TMEM272: variants seen among roughly 807,000 people sequenced by gnomAD.
TMEM272 encodes transmembrane protein 272.
In TMEM272, 8 loss-of-function variants were observed where a neutral mutation model predicts 3.7. The observed-to-expected ratio is 2.17, with a 90% CI of 1.27 to 3.91. The LOEUF (loss-of-function observed/expected upper bound fraction) is 3.91, where lower values mean the gene tolerates loss of function less well. Ranked by LOEUF, TMEM272 falls within the 30% of genes most tolerant of loss-of-function variation. TMEM272 has a pLI of 0.00. For missense variants in TMEM272, 166 were observed against 91.5 expected, an observed-to-expected ratio of 1.81 and a Z score of -3.32; for synonymous variants, 63 against 39.8, an observed-to-expected ratio of 1.58 and a Z score of -2.20.
chr13:51,828,892 C>G (rs1956149416), intron 2 of TMEM272, among the ~76,000 whole-genome samples: 1 of 152,188 alleles, frequency 6.6e-6, no homozygotes, highest in East Asian at 1.9e-4. Flanking sequence ...TCCATTTGAA[C>G]CAGAACTTGC....
the TMEM272 span, among the ~76,000 whole-genome samples, chr13:51,931,210 G>A: frequency 6.6e-6 from 1 of 150,636 alleles, no homozygotes; most frequent in Non-Finnish European, 1.5e-5. Flanking sequence ...TGGAACCAAC[G>A]CAAATGCCCA....
chr13:51,876,245 T>C, the TMEM272 span, among the ~76,000 whole-genome samples: 1 of 152,244 alleles, frequency 6.6e-6, no homozygotes, highest in Non-Finnish European at 1.5e-5. Context: ...TCTTTCCAAA[T>C]TATGTTCTCT....
chr13:51,859,452 T>C, the TMEM272 span, among the ~76,000 whole-genome samples: 1 of 150,538 alleles, frequency 6.6e-6, no homozygotes, highest in Non-Finnish European at 1.5e-5. Flanking sequence ...AATCATAAAC[T>C]GCCTGCATGA....
the TMEM272 span, among the ~76,000 whole-genome samples, chr13:51,852,707 G>A: frequency 9.2e-5 from 14 of 152,056 alleles, no homozygotes; most frequent in Admixed American, 5.2e-4. Flanking sequence ...GTGTAACCCC[G>A]TCTCTACTAA....
chr13:51,865,736 A>C, the TMEM272 span: 1 of 1,614,010 alleles, frequency 6.2e-7, no homozygotes. Flanking sequence ...GGAAGAGAAA[A>C]CTTTCTGGAA....
the TMEM272 span, among the ~76,000 whole-genome samples, chr13:51,897,798 G>A: frequency 1.3e-5 from 2 of 151,316 alleles, no homozygotes; most frequent in Admixed American, 1.3e-4. Flanking sequence ...ATGGTGGTGC[G>A]TGCCTGTAAT....
the TMEM272 span, among the ~76,000 whole-genome samples, chr13:51,888,212 A>AT: frequency 0.098 from 14,881 of 151,646 alleles, 1,276 homozygotes; most frequent in East Asian, 0.44. Flanking sequence ...CACCTACCTA[A>AT]TTTTTGTATT....
chr13:51,881,095 C>T, the TMEM272 span, among the ~76,000 whole-genome samples: 2 of 152,192 alleles, frequency 1.3e-5, no homozygotes, highest in African/African-American at 4.8e-5. Context: ...CAGTAACAAT[C>T]ACCAAGTATT....
At chr13:51,893,720 G>C in the TMEM272 span, among the ~76,000 whole-genome samples, 1 of 152,074 alleles carries the variant, frequency 6.6e-6, no homozygotes, top group Non-Finnish European at 1.5e-5. Flanking sequence ...AGGCCACACA[G>C]TTGCTTCTGC....
At chr13:51,915,077 G>A in the TMEM272 span, among the ~76,000 whole-genome samples, 3 of 152,168 alleles carry the variant, frequency 2.0e-5, no homozygotes, top group Non-Finnish European at 2.9e-5. Flanking sequence ...TGAAGAGCTG[G>A]AAAGTACCGC....
At chr13:51,892,470 G>C in the TMEM272 span, among the ~76,000 whole-genome samples, 1 of 152,094 alleles carries the variant, frequency 6.6e-6, no homozygotes, top group Non-Finnish European at 1.5e-5. Context: ...TACTCTGCTT[G>C]GTATTGTTGG....
chr13:51,862,900 C>A, the TMEM272 span, among the ~76,000 whole-genome samples: 1 of 152,134 alleles, frequency 6.6e-6, no homozygotes, highest in Non-Finnish European at 1.5e-5. Flanking sequence ...CCTATATAGG[C>A]GGCGTTATAT....
chr13:51,857,909 A>C, the TMEM272 span, among the ~76,000 whole-genome samples: 1 of 152,136 alleles, frequency 6.6e-6, no homozygotes, highest in East Asian at 1.9e-4. Context: ...GGTTGAAATA[A>C]AAGGATAGAA....
At chr13:51,909,874 T>C in the TMEM272 span, 5 of 1,595,632 alleles carry the variant, frequency 3.1e-6, no homozygotes, top group Admixed American at 1.7e-5. Flanking sequence ...GCGTGTACTT[T>C]GGAGTCTTCA....
chr13:51,922,531 C>T, the TMEM272 span, among the ~76,000 whole-genome samples: 15 of 152,278 alleles, frequency 9.9e-5, 1 homozygote, highest in South Asian at 6.2e-4. Flanking sequence ...ACCTGCCAGG[C>T]GACAGCAGTG....
At chr13:51,851,377 G>A in the TMEM272 span, among the ~76,000 whole-genome samples, 7 of 145,058 alleles carry the variant, frequency 4.8e-5, no homozygotes, top group Non-Finnish European at 1.1e-4. Flanking sequence ...GGAAGAAGAG[G>A]AAGAGGAGGA....
the TMEM272 span, among the ~76,000 whole-genome samples, chr13:51,870,039 T>C: frequency 6.6e-6 from 1 of 152,198 alleles, no homozygotes; most frequent in Non-Finnish European, 1.5e-5. Flanking sequence ...GACAGCTGTT[T>C]AAAGCTGCTG....
At chr13:51,869,592 G>A in the TMEM272 span, among the ~76,000 whole-genome samples, 2 of 151,504 alleles carry the variant, frequency 1.3e-5, no homozygotes, top group Admixed American at 1.3e-4. Context: ...AGAGTTCAAG[G>A]GATTCTCCTG....
the TMEM272 span, among the ~76,000 whole-genome samples, chr13:51,924,217 G>A: frequency 2.6e-5 from 4 of 151,918 alleles, 1 homozygote; most frequent in Admixed American, 2.6e-4. Context: ...ATGTCCTTTG[G>A]ACTCTCCTCC....
Sources: gnomAD v4.1 joint callset for allele counts (sites outside exome capture counted in the v4.1 genomes callset) on GRCh38, gnomAD v4.1.1 for gene constraint, MANE v1.5 for transcripts, NCBI Gene and HGNC (gene_info 2026-07-23, HGNC 2026-07-21) for gene names.